The following HTR1E variants were observed in gnomAD, a reference collection of about 807,000 sequenced individuals.
HTR1E encodes the protein 5-HT-1E.
HTR1E carries 3 observed loss-of-function variants against 3.4 expected under a neutral mutation model. That is an observed-to-expected ratio of 0.89 (90% CI 0.41 to 2.31). The LOEUF (loss-of-function observed/expected upper bound fraction) is 2.31. Among genes scored for constraint, HTR1E ranks in the 30% most tolerant of loss-of-function variants. HTR1E has a pLI of 0.05. For missense variants in HTR1E, 392 were observed against 467.0 expected, an observed-to-expected ratio of 0.84 and a Z score of 1.48; for synonymous variants, 170 against 182.8, an observed-to-expected ratio of 0.93 and a Z score of 0.56.
chr6:87,005,377 G>C (rs1487563619), intron 1 of HTR1E, among the ~76,000 whole-genome samples: 1 of 152,078 alleles, frequency 6.6e-6, no homozygotes, highest in Non-Finnish European at 1.5e-5. Flanking sequence ...CATGGTGCTG[G>C]CATAAAAACA....
intron 1 of HTR1E, among the ~76,000 whole-genome samples, chr6:87,007,213 A>C (rs931534360): frequency 1.3e-5 from 2 of 152,256 alleles, no homozygotes; most frequent in African/African-American, 4.8e-5. Flanking sequence ...AAGTGAAATA[A>C]GCCAGGCACA....
At chr6:87,007,176 A>G (rs977901539) in intron 1 of HTR1E, among the ~76,000 whole-genome samples, 3 of 152,228 alleles carry the variant, frequency 2.0e-5, no homozygotes, top group Admixed American at 2.0e-4. Flanking sequence ...TTTCAACAAC[A>G]TGAATGGAAC....
At chr6:86,954,903 A>C (rs1356673515) in intron 1 of HTR1E, among the ~76,000 whole-genome samples, 1 of 152,188 alleles carries the variant, frequency 6.6e-6, no homozygotes, top group Non-Finnish European at 1.5e-5. Flanking sequence ...CTTATCTTGG[A>C]AACAACCTCT....
At chr6:86,955,930 C>T (rs1767316053) in intron 1 of HTR1E, among the ~76,000 whole-genome samples, 1 of 151,944 alleles carries the variant, frequency 6.6e-6, no homozygotes, top group Non-Finnish European at 1.5e-5. Flanking sequence ...CAGTCAAGGG[C>T]ATTCCAAAGT....
rs556039191 is a variant in HTR1E at position 86,968,438 on chromosome 6, A to G, written c.-186+30615A>G. On this transcript the variant is annotated intron_variant, in intron 1 of 1. Coordinates refer to ENST00000305344, the MANE Select transcript of HTR1E (RefSeq NM_000865.3). ...TGGCTGCAATTCCTAGCAGCAATGTATGAGTGCCTGTTTCCCCACACTGTC... is the reference window on the plus strand; with the variant it reads ...TGGCTGCAATTCCTAGCAGCAATGTGTGAGTGCCTGTTTCCCCACACTGTC... Among the ~76,000 whole-genome samples, 26 of 152,352 alleles carry G rather than the reference A, an allele frequency of 1.7e-4. No individual in the cohort carries two copies. The East Asian group carries it at 2.5e-3, about 15-fold the overall frequency.
chr6:86,940,103 G>A (rs1368914815), intron 1 of HTR1E, among the ~76,000 whole-genome samples: 1 of 152,136 alleles, frequency 6.6e-6, no homozygotes, highest in Non-Finnish European at 1.5e-5. Flanking sequence ...CCTGCTGCGT[G>A]ATGGGGTTAT....
At chr6:86,983,021 G>A (rs1044131375) in intron 1 of HTR1E, among the ~76,000 whole-genome samples, 2 of 152,134 alleles carry the variant, frequency 1.3e-5, no homozygotes, top group Non-Finnish European at 2.9e-5. Flanking sequence ...TGCAAATTCA[G>A]AAACATATTT....
chr6:86,999,727 C>T (rs1414808808), intron 1 of HTR1E, among the ~76,000 whole-genome samples: 1 of 152,086 alleles, frequency 6.6e-6, no homozygotes, highest in Non-Finnish European at 1.5e-5. Flanking sequence ...GAAATGCAAT[C>T]CTAGAAAAGG....
At chr6:87,010,455 C>A (rs1334985566) in intron 1 of HTR1E, among the ~76,000 whole-genome samples, 2 of 150,994 alleles carry the variant, frequency 1.3e-5, no homozygotes, top group East Asian at 3.9e-4. Flanking sequence ...AGAGACGCTC[C>A]TCACCTCCCA....
At chr6:87,010,209 G>A (rs1359340484) in intron 1 of HTR1E, among the ~76,000 whole-genome samples, 8 of 100,182 alleles carry the variant, frequency 8.0e-5, no homozygotes, top group Admixed American at 6.9e-4. Flanking sequence ...CCTCCCTCCC[G>A]GATGGGGTGG....
chr6:86,955,790 T>C (rs1195456879), intron 1 of HTR1E, among the ~76,000 whole-genome samples: 3 of 152,178 alleles, frequency 2.0e-5, no homozygotes, highest in Non-Finnish European at 2.9e-5. Flanking sequence ...ATGAAATACA[T>C]TTTAACATAT....
intron 1 of HTR1E, among the ~76,000 whole-genome samples, chr6:87,012,832 C>G (rs1445422729): frequency 6.6e-6 from 1 of 152,184 alleles, no homozygotes; most frequent in African/African-American, 2.4e-5. Context: ...GAAATTGAAG[C>G]AGGCTAACGT....
intron 1 of HTR1E, among the ~76,000 whole-genome samples, chr6:86,963,215 A>G (rs1767431475): frequency 1.3e-5 from 2 of 152,186 alleles, no homozygotes; most frequent in Admixed American, 6.5e-5. Flanking sequence ...TTTAAAAAAT[A>G]AACAAAAAAA....
intron 1 of HTR1E, among the ~76,000 whole-genome samples, chr6:86,946,851 T>C (rs1447659152): frequency 6.6e-6 from 1 of 152,208 alleles, no homozygotes; most frequent in African/African-American, 2.4e-5. Context: ...GCACGGTGGC[T>C]CACACCTGTA....
rs149596549 is a variant in HTR1E at position 86,960,884 on chromosome 6, C to T, written c.-186+23061C>T. 2.9e-3 allele frequency among the ~76,000 whole-genome samples: 439 copies of T among 152,308 alleles called. 1 individual carries two copies. The highest frequency in any genetic ancestry group is 5.1e-3 in the Non-Finnish European group (344 of 68,030). On this transcript the variant is annotated intron_variant, in intron 1 of 1. Transcript: ENST00000305344. ...TTGTGCTTTCAAATATCTGCTACTA[C>T]TGCTAGTTTTATTTCTACCACTTAA...
chr6:86,987,914 C>T (rs1225422206), intron 1 of HTR1E, among the ~76,000 whole-genome samples: 1 of 152,120 alleles, frequency 6.6e-6, no homozygotes, highest in East Asian at 1.9e-4. Context: ...CTCTTAAAGG[C>T]TCCACCTTTT....
At chr6:86,946,681 G>A (rs1768620765) in intron 1 of HTR1E, among the ~76,000 whole-genome samples, 1 of 152,160 alleles carries the variant, frequency 6.6e-6, no homozygotes, top group African/African-American at 2.4e-5. Flanking sequence ...TGTCAGTTGT[G>A]TTTTAAGTGT....
intron 1 of HTR1E, among the ~76,000 whole-genome samples, chr6:86,953,188 A>G (rs1355792557): frequency 6.6e-6 from 1 of 152,178 alleles, no homozygotes; most frequent in Non-Finnish European, 1.5e-5. Flanking sequence ...ACAAAACCAC[A>G]GACTTTAAGT....
chr6:87,006,415 T>C (rs775591630), intron 1 of HTR1E, among the ~76,000 whole-genome samples: 11 of 152,066 alleles, frequency 7.2e-5, no homozygotes, highest in Non-Finnish European at 1.2e-4. Flanking sequence ...TATTAAAAAG[T>C]CAAGAAACAA....
Sources: gnomAD v4.1 joint callset for allele counts (sites outside exome capture counted in the v4.1 genomes callset) on GRCh38, gnomAD v4.1.1 for gene constraint, MANE v1.5 for transcripts, NCBI Gene and HGNC (gene_info 2026-07-23, HGNC 2026-07-21) for gene names.